The following TRAF3 variants were observed in gnomAD, a reference collection of about 807,000 sequenced individuals.
TRAF3 encodes TNF receptor associated factor 3.
In TRAF3, 13 loss-of-function variants were observed where a neutral mutation model predicts 62.3. That is an observed-to-expected ratio of 0.21 (90% CI 0.14 to 0.33). The LOEUF (loss-of-function observed/expected upper bound fraction) is 0.33, where lower values mean the gene tolerates loss of function less well. TRAF3 is among the 10% of genes least tolerant of loss of function. The pLI is 1.00. For missense variants in TRAF3, 440 were observed against 741.8 expected (o/e 0.59, Z 4.73); for synonymous variants, 269 against 283.4 (o/e 0.95, Z 0.51).
At chr14:102,868,147 T>C (rs76294741) in intron 2 of TRAF3, among the ~76,000 whole-genome samples, 116 of 152,330 alleles carry the variant, frequency 7.6e-4, no homozygotes, top group Non-Finnish European at 1.3e-3. Flanking sequence ...AATAGATGAA[T>C]TGGGTACAGG....
intron 1 of TRAF3, among the ~76,000 whole-genome samples, chr14:102,797,091 G>A (rs1005793555): frequency 1.3e-5 from 2 of 152,214 alleles, no homozygotes; most frequent in East Asian, 1.9e-4. Flanking sequence ...GGGCCAGGGG[G>A]CAGCATCATT....
rs75778740 is a variant in TRAF3 at position 102,869,300 on chromosome 14, G to A, written c.-17-885G>A. ...ACTGTCACAGGGTTTACCCAGGAAG[G>A]AACAACCCCTGGGCTCCAGAAGCAG... On this transcript the variant is annotated intron_variant, in intron 2 of 11. Transcript: ENST00000392745. Among the ~76,000 whole-genome samples, 348 of 152,284 alleles carry A rather than the reference G, an allele frequency of 2.3e-3. 2 individuals are homozygous for A. The highest frequency in any genetic ancestry group is 3.6e-3 in the Non-Finnish European group (242 of 68,030).
chr14:102,837,118 TTGTG>T (rs139388630), intron 2 of TRAF3, among the ~76,000 whole-genome samples: 7 of 78,368 alleles, frequency 8.9e-5, no homozygotes, highest in Admixed American at 7.6e-4. Context: ...AGCAAGTAAT[TTGTG>T]TGTGTGTGTG....
intron 1 of TRAF3, among the ~76,000 whole-genome samples, chr14:102,787,360 T>C (rs1165623138): frequency 1.3e-5 from 2 of 152,208 alleles, no homozygotes; most frequent in African/African-American, 2.4e-5. Flanking sequence ...CACTTTTTTT[T>C]CTGTTATTTA....
At position 102,810,576 on chromosome 14, in the gene TRAF3, A is replaced by T. The variant is rs542242418; in HGVS notation, c.-156-19758A>T. 13 of 152,310 alleles carry T rather than the reference A, an allele frequency of 8.5e-5. No homozygotes were observed. In the South Asian group the frequency reaches 2.7e-3, roughly 32 times the overall value. 9.4% of individuals were successfully genotyped at this position (152,310 alleles called of 1,614,324 possible). A position where few individuals can be genotyped will look rare whatever the true frequency, so the allele number is the denominator to read the frequency against. On this transcript the variant is annotated intron_variant, in intron 1 of 11. Transcript: ENST00000392745. ...CAAGACACTGGCTCTGTGGTATTTGACATGCAGATGGGCCCAGAATTCCTG... is the reference window on the plus strand; with the variant it reads ...CAAGACACTGGCTCTGTGGTATTTGTCATGCAGATGGGCCCAGAATTCCTG...
chr14:102,870,485 C>G, intron 3 of TRAF3, 39 bp downstream of exon 3: 2 of 1,608,250 alleles, frequency 1.2e-6, no homozygotes, highest in Non-Finnish European at 1.7e-6. Flanking sequence ...GGCCCCTTCT[C>G]AGCCCTCGGC....
chr14:102,837,809 A>G (rs1886121239), intron 2 of TRAF3, among the ~76,000 whole-genome samples: 1 of 152,212 alleles, frequency 6.6e-6, no homozygotes, highest in Non-Finnish European at 1.5e-5. Flanking sequence ...CTATGGTCAA[A>G]TTGCTGGGTC....
At chr14:102,783,356 T>G (rs891708453) in intron 1 of TRAF3, among the ~76,000 whole-genome samples, 1 of 152,230 alleles carries the variant, frequency 6.6e-6, no homozygotes, top group African/African-American at 2.4e-5. Flanking sequence ...CAATGTAATT[T>G]TCTTGGATGC....
At chr14:102,891,241 C>A in intron 8 of TRAF3, 84 bp from the exon 9 acceptor site, 1 of 1,282,650 alleles carries the variant, frequency 7.8e-7, no homozygotes, top group Non-Finnish European at 1.1e-6. Context: ...GTGTTTAGTG[C>A]TGCTTTTAGG....
At chr14:102,808,725 GA>G (rs1268669122) in intron 1 of TRAF3, among the ~76,000 whole-genome samples, 2 of 152,092 alleles carry the variant, frequency 1.3e-5, no homozygotes, top group African/African-American at 2.4e-5. Context: ...AGTATTTGGG[GA>G]AAATATGTCC....
chr14:102,822,292 C>G (rs1312836843), intron 1 of TRAF3, among the ~76,000 whole-genome samples: 1 of 152,094 alleles, frequency 6.6e-6, no homozygotes, highest in Non-Finnish European at 1.5e-5. Flanking sequence ...AACCATTTCA[C>G]CATGCGAGTA....
chr14:102,797,062 AG>A (rs1188461049), intron 1 of TRAF3, among the ~76,000 whole-genome samples: 1 of 152,212 alleles, frequency 6.6e-6, no homozygotes, highest in Non-Finnish European at 1.5e-5. Flanking sequence ...AGAGGGTAGT[AG>A]GCAAGGCGGG....
At chr14:102,813,838 T>A (rs1195863109) in intron 1 of TRAF3, among the ~76,000 whole-genome samples, 2 of 152,192 alleles carry the variant, frequency 1.3e-5, no homozygotes, top group Non-Finnish European at 2.9e-5. Context: ...GATGAATAGT[T>A]CGCAAATACT....
chr14:102,779,634 A>G (rs1897189560), intron 1 of TRAF3, among the ~76,000 whole-genome samples: 1 of 152,226 alleles, frequency 6.6e-6, no homozygotes. Context: ...CAGGATACGT[A>G]TGCTAATGAT....
rs1038356595 is a variant in TRAF3 at position 102,906,279 on chromosome 14, T to C, written c.*495T>C. 1 of 156,048 alleles carries C rather than the reference T, an allele frequency of 6.4e-6. No homozygotes were observed. The highest frequency in any genetic ancestry group is 1.4e-5 in the Non-Finnish European group (1 of 70,120). The allele number at this position is 156,048 out of a possible 1,614,324, so 9.7% of individuals were successfully genotyped here. ...TGTTTCAAATACAGTATATTGTCTA[T>C]TTTTAAGGCCTCATCTGGTCTCTGT... On this transcript the variant is annotated 3_prime_UTR_variant, in exon 12 of 12. Coordinates refer to ENST00000392745, the MANE Select transcript of TRAF3 (RefSeq NM_145725.3).
intron 2 of TRAF3, among the ~76,000 whole-genome samples, chr14:102,841,630 C>T (rs1886379557): frequency 6.6e-6 from 1 of 152,254 alleles, no homozygotes; most frequent in South Asian, 2.1e-4. Flanking sequence ...ATTATCAGAA[C>T]CAAAGCCCCG....
intron 1 of TRAF3, among the ~76,000 whole-genome samples, chr14:102,808,638 C>A (rs923402071): frequency 6.6e-6 from 1 of 152,060 alleles, no homozygotes; most frequent in African/African-American, 2.4e-5. Flanking sequence ...GAAAAACTTC[C>A]AAATTGGTCT....
intron 1 of TRAF3, among the ~76,000 whole-genome samples, chr14:102,811,913 C>CTTTTTTTTTTTTTTGTTTTTT (rs1899196792): frequency 2.1e-5 from 1 of 47,076 alleles, no homozygotes. Flanking sequence ...ATGCCTGGCC[C>CTTTTTTTTTTTTTTGTTTTTT]TTTTTTTTTT....
chr14:102,824,694 G>A (rs2144826), intron 1 of TRAF3, among the ~76,000 whole-genome samples: 43,976 of 152,170 alleles, frequency 0.29, 6,658 homozygotes, highest in Non-Finnish European at 0.35. Flanking sequence ...GTAAATGCGC[G>A]TTAATGATGT....
Sources: gnomAD v4.1 joint callset for allele counts (sites outside exome capture counted in the v4.1 genomes callset) on GRCh38, gnomAD v4.1.1 for gene constraint, MANE v1.5 for transcripts, NCBI Gene and HGNC (gene_info 2026-07-23, HGNC 2026-07-21) for gene names.